YTHDF3: variants seen among roughly 807,000 people sequenced by gnomAD.
YTHDF3 encodes YTH domain-containing family protein 3.
Under a neutral mutation model 52.5 loss-of-function variants are expected in YTHDF3, and 9 were observed. The observed-to-expected ratio is 0.17, with a 90% CI of 0.10 to 0.30. YTHDF3 has a LOEUF of 0.30. YTHDF3 is among the 10% of genes least tolerant of loss of function. The pLI, the probability that YTHDF3 is intolerant of heterozygous loss-of-function variation, is 1.00. For missense variants in YTHDF3, 534 were observed against 715.0 expected (o/e 0.75, Z 2.89); for synonymous variants, 274 against 243.3 (o/e 1.13, Z -1.18).
chr8:63,184,116 A>C (rs962193618), intron 3 of YTHDF3, among the ~76,000 whole-genome samples: 5 of 152,220 alleles, frequency 3.3e-5, no homozygotes, highest in African/African-American at 1.2e-4. Flanking sequence ...GAATGGTTGA[A>C]TCCACAGATG....
At chr8:63,170,400 A>T (rs1361184501) in intron 2 of YTHDF3, among the ~76,000 whole-genome samples, 1 of 152,164 alleles carries the variant, frequency 6.6e-6, no homozygotes, top group African/African-American at 2.4e-5. Flanking sequence ...GGATATGTAG[A>T]TTAGTTTCCT....
intron 4 of YTHDF3, among the ~76,000 whole-genome samples, chr8:63,199,558 A>G (rs773976743): frequency 5.9e-5 from 9 of 152,222 alleles, no homozygotes; most frequent in Non-Finnish European, 1.3e-4. Context: ...GATATGAAAT[A>G]TCTTATGTTT....
At chr8:63,175,728 G>A (rs1033830939) in intron 3 of YTHDF3, 1 of 187,074 alleles carries the variant, frequency 5.3e-6, no homozygotes, top group African/African-American at 2.3e-5. Context: ...TAATGTCACT[G>A]CTATATCTTC....
intron 4 of YTHDF3, among the ~76,000 whole-genome samples, chr8:63,208,649 TTGA>T (rs1810189113): frequency 6.6e-6 from 1 of 152,238 alleles, no homozygotes; most frequent in African/African-American, 2.4e-5. Flanking sequence ...TACAAACTAC[TTGA>T]TGTGTTCAGT....
At chr8:63,172,622 C>G (rs976985700) in intron 2 of YTHDF3, 3 of 414,470 alleles carry the variant, frequency 7.2e-6, no homozygotes, top group Non-Finnish European at 8.3e-6. Flanking sequence ...AAGGAGATAG[C>G]GGGTATATGG....
chr8:63,197,034 T>C (rs1354043422), intron 4 of YTHDF3, among the ~76,000 whole-genome samples: 1 of 152,182 alleles, frequency 6.6e-6, no homozygotes, highest in African/African-American at 2.4e-5. Context: ...GCCTACTTAA[T>C]TCGCATTATG....
At chr8:63,198,777 A>G (rs543090317) in intron 4 of YTHDF3, among the ~76,000 whole-genome samples, 14 of 152,312 alleles carry the variant, frequency 9.2e-5, no homozygotes, top group African/African-American at 3.4e-4. Context: ...AGTGTATTCT[A>G]TTACCCTTTG....
chr8:63,209,838 T>A lies in YTHDF3; in HGVS notation c.*132T>A. The A allele has an allele frequency of 1.1e-6, 1 of 878,094 alleles. No homozygotes were observed. The highest frequency in any genetic ancestry group is 1.7e-6 in the Non-Finnish European group (1 of 589,968). 54.4% of individuals were successfully genotyped at this position (878,094 alleles called of 1,614,324 possible). A position where few individuals can be genotyped will look rare whatever the true frequency, so the allele number is the denominator to read the frequency against. ...ATCTTTGAACACTTTAACACAAAGT[T>A]GACTCTTCTCGTAATGGTTTTCATC... is the stretch of plus-strand genomic sequence containing the variant. On this transcript the variant is annotated 3_prime_UTR_variant, in exon 5 of 5. Coordinates refer to ENST00000539294, the MANE Select transcript of YTHDF3 (RefSeq NM_152758.6).
chr8:63,169,007 C>G lies in YTHDF3; in HGVS notation c.24+106C>G, dbSNP rs1419736819. 49 of 1,483,444 alleles carry G rather than the reference C, an allele frequency of 3.3e-5. No individual in the cohort carries two copies. The East Asian group carries it at 1.3e-3, about 38-fold the overall frequency. 91.9% of individuals were successfully genotyped at this position (1,483,444 alleles called of 1,614,324 possible). A position where few individuals can be genotyped will look rare whatever the true frequency, so the allele number is the denominator to read the frequency against. On this transcript the variant is annotated intron_variant, in intron 1 of 4. Coordinates refer to ENST00000539294, the MANE Select transcript of YTHDF3 (RefSeq NM_152758.6). ...GTCGCCGCCGCTGCCGGCCCCATAA[C>G]GGTGCCCCGGGCGCAAGTTGCTGCG...
At chr8:63,177,847 G>A (rs541713489) in intron 3 of YTHDF3, among the ~76,000 whole-genome samples, 32 of 150,110 alleles carry the variant, frequency 2.1e-4, no homozygotes, top group Non-Finnish European at 4.1e-4. Context: ...AACCTCTGTC[G>A]CCCAGGTTCA....
At position 63,187,453 on chromosome 8, in the gene YTHDF3, C is replaced by G. The variant is rs1417013252; in HGVS notation, c.1442C>G (p.Ser481Cys). Residue 481 changes from serine to cysteine, a missense_variant, in exon 4 of 5, where the codon TCT becomes TGT. This residue lies in a region of YTHDF3 where 135 missense variants were observed against 214.2 expected (regional missense o/e 0.63). Coordinates refer to ENST00000539294, the MANE Select transcript of YTHDF3 (RefSeq NM_152758.6). Reference sequence around the variant, plus strand: ...TTTTGTGGAGTGGCTGAAATGAAGTCTGTTGTGGACTATAATGCGTATGCT... The same window carrying G: ...TTTTGTGGAGTGGCTGAAATGAAGTGTGTTGTGGACTATAATGCGTATGCT... ...GHFCGVAEMK[S>C]VVDYNAYAGV... 1 of 1,613,968 alleles carries G rather than the reference C, an allele frequency of 6.2e-7. No homozygotes were observed. The highest frequency in any genetic ancestry group is 1.7e-5 in the Admixed American group (1 of 60,016).
chr8:63,192,117 C>T (rs1418091212), intron 4 of YTHDF3, among the ~76,000 whole-genome samples: 3 of 152,172 alleles, frequency 2.0e-5, no homozygotes, highest in Admixed American at 1.3e-4. Context: ...CCCCCAAACC[C>T]TCCCTTATAT....
rs1030180466 is a variant in YTHDF3, at chr8:63,184,986, T to G, written c.136-1161T>G. On this transcript the variant is annotated intron_variant, in intron 3 of 4. Coordinates refer to ENST00000539294, the MANE Select transcript of YTHDF3 (RefSeq NM_152758.6). The stretch of plus-strand genomic sequence containing the variant: ...AATACAAAAAATTAGCTGGGCATGG[T>G]GGCGGACGCCTGTGGTCTCAGCTAC... Among the ~76,000 whole-genome samples, 9 of 152,274 alleles carry G rather than the reference T, an allele frequency of 5.9e-5. No individual in the cohort carries two copies. The South Asian group carries it at 1.9e-3, about 32-fold the overall frequency.
At chr8:63,189,501 T>C (rs1471179890) in intron 4 of YTHDF3, among the ~76,000 whole-genome samples, 1 of 152,240 alleles carries the variant, frequency 6.6e-6, no homozygotes, top group Non-Finnish European at 1.5e-5. Flanking sequence ...CTTGTTCCTA[T>C]GTAGAAATTA....
In YTHDF3 at chr8:63,175,259, T is replaced by C. The variant is rs1277262539; in HGVS notation, c.50-72T>C. On this transcript the variant is annotated intron_variant, in intron 2 of 4. Coordinates refer to ENST00000539294, the MANE Select transcript of YTHDF3 (RefSeq NM_152758.6). Reference sequence around the variant, plus strand: ...ATTACTTTTTTTGGCTTGAAAAATATTAAAAACATTAGGTTGTGCTGCGAG... The same window carrying C: ...ATTACTTTTTTTGGCTTGAAAAATACTAAAAACATTAGGTTGTGCTGCGAG... 30 of 1,137,882 alleles carry C rather than the reference T, an allele frequency of 2.6e-5. No homozygotes were observed. In the South Asian group the frequency reaches 4.6e-4, roughly 17 times the overall value. The allele number at this position is 1,137,882 out of a possible 1,614,324, so 70.5% of individuals were successfully genotyped here.
intron 3 of YTHDF3, among the ~76,000 whole-genome samples, chr8:63,185,742 G>T (rs1276170159): frequency 6.6e-6 from 1 of 152,120 alleles, no homozygotes; most frequent in Non-Finnish European, 1.5e-5. Flanking sequence ...TAATCCTTGT[G>T]TGTAAGTGAT....
Position 63,187,534 on chromosome 8 carries a change from T to C in YTHDF3, c.1523T>C (p.Val508Ala), listed in dbSNP as rs1264372502. ...KGKFEVKWIF[V>A]KDVPNNQLRH... ...AAATTTGAAGTTAAATGGATCTTTGTCAAAGATGTTCCCAATAACCAATTA... is the reference window on the plus strand; with the variant it reads ...AAATTTGAAGTTAAATGGATCTTTGCCAAAGATGTTCCCAATAACCAATTA... Residue 508 changes from valine to alanine, a missense_variant, in exon 4 of 5, where the codon GTC becomes GCC. Physicochemically the swap from Val to Ala is moderately conservative, Grantham distance 64 (BLOSUM62 0). Around this residue, in one of 3 missense-constraint regions of YTHDF3, gnomAD observed 135 missense variants for 214.2 expected, o/e 0.63. Transcript: ENST00000539294. 1 of 1,613,962 alleles carries C rather than the reference T, an allele frequency of 6.2e-7. No individual in the cohort carries two copies. The highest frequency in any genetic ancestry group is 1.1e-5 in the South Asian group (1 of 91,086).
intron 4 of YTHDF3, among the ~76,000 whole-genome samples, chr8:63,208,221 A>G (rs1221655538): frequency 6.6e-6 from 1 of 152,172 alleles, no homozygotes; most frequent in Non-Finnish European, 1.5e-5. Flanking sequence ...TTATGTATGA[A>G]ATAATGCTCT....
intron 3 of YTHDF3, among the ~76,000 whole-genome samples, chr8:63,184,953 CTACAAAAAA>C (rs1808400605): frequency 6.6e-6 from 1 of 152,068 alleles, no homozygotes; most frequent in South Asian, 2.1e-4. Context: ...ATCCTCATCT[CTACAAAAAA>C]TACAAAAAAT....
Sources: gnomAD v4.1 joint callset for allele counts (sites outside exome capture counted in the v4.1 genomes callset) on GRCh38, gnomAD v4.1.1 for gene constraint, gnomAD v4.1.1 regional missense constraint, MANE v1.5 for transcripts, NCBI Gene and HGNC (gene_info 2026-07-23, HGNC 2026-07-21) for gene names.